Variants in DYNC1H1 observed in about 807,000 individuals in gnomAD.
DYNC1H1 encodes the protein cytoplasmic dynein 1 heavy chain 1.
In DYNC1H1, 51 loss-of-function variants were observed where a neutral mutation model predicts 527.1. The observed-to-expected ratio is 0.10, with a 90% CI of 0.08 to 0.12. DYNC1H1 has a LOEUF of 0.12. DYNC1H1 is among the 10% of genes least tolerant of loss of function. The pLI, the probability that DYNC1H1 is intolerant of heterozygous loss-of-function variation, is 1.00. For missense variants in DYNC1H1, 2,771 were observed against 5,971.8 expected (o/e 0.46, Z 17.66); for synonymous variants, 2,189 against 2,278.8 (o/e 0.96, Z 1.12).
Position 102,017,376 on chromosome 14 carries a change from C to T in DYNC1H1, c.8056-7C>T. On this transcript the variant is annotated splice_polypyrimidine_tract_variant and splice_region_variant and intron_variant, in intron 39 of 77. Transcript: ENST00000360184. This position sits in a 1 kb window ranked among gnomAD's most constrained non-coding sequence, Gnocchi z 4.6. ...GCTCTTAATGTGGTACCTGTCCCTT[C>T]CTTCAGATGGTGGAGCACGGAGGCT... 1.9e-6 allele frequency: 3 copies of T among 1,614,210 alleles called. No homozygotes were observed. The highest frequency in any genetic ancestry group is 1.1e-5 in the South Asian group (1 of 91,090).
chr14:102,040,175 A>T, intron 62 of DYNC1H1, 61 bp from the exon 63 acceptor site: 2 of 1,601,816 alleles, frequency 1.2e-6, no homozygotes, highest in Non-Finnish European at 1.7e-6. Flanking sequence ...CACAGCTGTT[A>T]TCTTAGTGAC....
At chr14:102,032,913 G>A in intron 52 of DYNC1H1, 152 bp from the exon 53 acceptor site, 1 of 766,580 alleles carries the variant, frequency 1.3e-6, no homozygotes, top group Admixed American at 2.5e-5. Context: ...GCTTTCACCT[G>A]AGAACCAAGG....
chr14:102,042,572 G>T lies in DYNC1H1; in HGVS notation c.12400-63G>T, dbSNP rs536121411. On this transcript the variant is annotated intron_variant, in intron 68 of 77. Transcript: ENST00000360184. This position sits in a 1 kb window ranked among gnomAD's most constrained non-coding sequence, Gnocchi z 5.7. ...GGCACTGTGCTGTCGGCACGTGTGT[G>T]GTGGAATTGAACAGGCGCCCTCATC... 94 of 1,613,682 alleles carry T rather than the reference G, an allele frequency of 5.8e-5. No individual in the cohort carries two copies. The highest frequency in any genetic ancestry group is 7.6e-5 in the Non-Finnish European group (90 of 1,179,844).
chr14:102,026,773 G>T, intron 44 of DYNC1H1, 66 bp downstream of exon 44: 1 of 1,584,806 alleles, frequency 6.3e-7, no homozygotes, highest in African/African-American at 1.3e-5. Flanking sequence ...TGTGTGTGCC[G>T]GGTCACACCA....
At chr14:101,982,446 G>A (rs1164666579) in intron 5 of DYNC1H1, among the ~76,000 whole-genome samples, 3 of 152,002 alleles carry the variant, frequency 2.0e-5, no homozygotes, top group African/African-American at 7.3e-5. Context: ...CAAAAAATTA[G>A]CCGGGCGTGG....
rs17512586 is a variant in DYNC1H1, at chr14:102,025,764, G to A, written c.8638-810G>A. On this transcript the variant is annotated intron_variant, in intron 43 of 77. Transcript: ENST00000360184. Reference sequence around the variant, plus strand: ...AGTTTCCCTGTGTGCATAGGTATCCGTTAGTTGTTCTCTGTGCTAAAACCA... The same window carrying A: ...AGTTTCCCTGTGTGCATAGGTATCCATTAGTTGTTCTCTGTGCTAAAACCA... 1.4e-3 allele frequency among the ~76,000 whole-genome samples: 207 copies of A among 152,202 alleles called. 1 individual carries two copies. Among genetic ancestry groups the A allele is most frequent in the African/African-American group, 4.8e-3 (198 of 41,500 alleles).
chr14:102,027,978 TG>T lies in DYNC1H1; in HGVS notation c.9306del (p.Tyr3103IlefsTer42). On this transcript the variant is annotated frameshift_variant, in exon 48 of 78. Transcript: ENST00000360184. LOFTEE classifies it high-confidence loss of function. This position sits in a 1 kb window ranked among gnomAD's most constrained non-coding sequence, Gnocchi z 7.7. ...NWFGDWSTEA[L>X]YQVGKEFTSK... ...TTTGGAGACTGGTCCACCGAAGCAC[TG>T]TATCAGGTTGGCAAAGAATTCACAA... The T allele has an allele frequency of 6.2e-7, 1 of 1,614,192 alleles. No individual in the cohort carries two copies. The highest frequency in any genetic ancestry group is 2.2e-5 in the East Asian group (1 of 44,882).
intron 51 of DYNC1H1, among the ~76,000 whole-genome samples, chr14:102,031,693 G>T (rs1172724689): frequency 6.6e-6 from 1 of 151,988 alleles, no homozygotes; most frequent in African/African-American, 2.4e-5. Context: ...AGTGGCTCAC[G>T]CCTGTAATCC....
chr14:102,019,660 G>A (rs1372382898), intron 41 of DYNC1H1, among the ~76,000 whole-genome samples: 1 of 152,172 alleles, frequency 6.6e-6, no homozygotes, highest in African/African-American at 2.4e-5. Flanking sequence ...GGAATGCAGT[G>A]GCGCAGTCTC....
chr14:101,981,929 C>T (rs995865475), intron 5 of DYNC1H1, among the ~76,000 whole-genome samples: 2 of 152,158 alleles, frequency 1.3e-5, no homozygotes, highest in African/African-American at 4.8e-5. Flanking sequence ...TTTAGTTCTT[C>T]TAAACTTAAT....
At chr14:101,989,835 AAATGACATTTC>A (rs2047976741) in intron 10 of DYNC1H1, among the ~76,000 whole-genome samples, 1 of 152,254 alleles carries the variant, frequency 6.6e-6, no homozygotes. Flanking sequence ...ATGCACTGCA[AAATGACATTTC>A]AGTCAACGAC....
chr14:102,016,141 T>G lies in DYNC1H1; in HGVS notation c.7473+55T>G. 1 of 1,551,788 alleles carries G rather than the reference T, an allele frequency of 6.4e-7. No homozygotes were observed. Among genetic ancestry groups the G allele is most frequent in the East Asian group, 2.4e-5 (1 of 41,326 alleles). On this transcript the variant is annotated intron_variant, in intron 36 of 77. Transcript: ENST00000360184. The surrounding 1 kb of genome is among the most constrained non-coding windows in gnomAD (Gnocchi z 7.3). ...TCACCACTGCGCCAGACCACAGGTCTGAGGACCTCTGAAATGCTGCACCTG... is the reference window on the plus strand; with the variant it reads ...TCACCACTGCGCCAGACCACAGGTCGGAGGACCTCTGAAATGCTGCACCTG...
rs749014392 is a variant in DYNC1H1, at chr14:102,016,181, C to G, written c.7473+95C>G. Reference sequence around the variant, plus strand: ...TGCTGCACCTGTGGGGATGTGCGCTCTCTCCTAGGCGAGGCAGAGCCTTCG... The same window carrying G: ...TGCTGCACCTGTGGGGATGTGCGCTGTCTCCTAGGCGAGGCAGAGCCTTCG... On this transcript the variant is annotated intron_variant, in intron 36 of 77. Coordinates refer to ENST00000360184, the MANE Select transcript of DYNC1H1 (RefSeq NM_001376.5). The surrounding 1 kb of genome is among the most constrained non-coding windows in gnomAD (Gnocchi z 7.3). The G allele has an allele frequency of 2.0e-5, 30 of 1,517,024 alleles. No homozygotes were observed. The highest frequency in any genetic ancestry group is 1.1e-4 in the South Asian group (9 of 83,416). 94.0% of individuals were successfully genotyped at this position (1,517,024 alleles called of 1,614,324 possible).
Position 101,986,773 on chromosome 14 carries a change from C to T in DYNC1H1, c.2538+10C>T, listed in dbSNP as rs201216234. 20 of 1,613,974 alleles carry T rather than the reference C, an allele frequency of 1.2e-5. No individual in the cohort carries two copies. In the African/African-American group the frequency reaches 1.9e-4, roughly 15 times the overall value. On this transcript the variant is annotated intron_variant, in intron 8 of 77. Coordinates refer to ENST00000360184, the MANE Select transcript of DYNC1H1 (RefSeq NM_001376.5). This position sits in a 1 kb window ranked among gnomAD's most constrained non-coding sequence, Gnocchi z 8.7. ...CAACTTCCAAGAAAAGGTATGCTCT[C>T]ATGTAATCCTCAGGTGTCCTGGTAA...
chr14:102,030,059 T>A (rs80027535), intron 50 of DYNC1H1, 103 bp from the exon 51 acceptor site: 449 of 382,932 alleles, frequency 1.2e-3, no homozygotes, highest in East Asian at 5.4e-3. Context: ...GGAGAGAGAG[T>A]GTGTGTGTGT....
rs940089035 is a variant in DYNC1H1, at chr14:102,002,154, A to G, written c.4543-383A>G. ...GAGATGGAGTCTCGCTCTGTCACCC[A>G]GGCTGGAGTGCAATGGCACGATCTC... On this transcript the variant is annotated intron_variant, in intron 21 of 77. Coordinates refer to ENST00000360184, the MANE Select transcript of DYNC1H1 (RefSeq NM_001376.5). This position sits in a 1 kb window ranked among gnomAD's most constrained non-coding sequence, Gnocchi z 4.4. 6.7e-6 allele frequency among the ~76,000 whole-genome samples: 1 copy of G among 149,354 alleles called. No individual in the cohort carries two copies.
At chr14:102,004,260 A>G (rs2048170660) in intron 23 of DYNC1H1, among the ~76,000 whole-genome samples, 1 of 152,154 alleles carries the variant, frequency 6.6e-6, no homozygotes, top group African/African-American at 2.4e-5. Context: ...AAATAAATAA[A>G]TAAATAAATA....
At chr14:101,982,965 A>G (rs1009354120) in intron 5 of DYNC1H1, 54 bp from the exon 6 acceptor site, 4 of 1,597,948 alleles carry the variant, frequency 2.5e-6, no homozygotes, top group African/African-American at 1.3e-5. Context: ...ATTTTAGTTT[A>G]CTTAGTTTTG....
In DYNC1H1 at chr14:101,979,892, A is replaced by G; in HGVS notation, c.692A>G (p.Asp231Gly). 6.2e-7 allele frequency: 1 copy of G among 1,614,226 alleles called. No homozygotes were observed. Among genetic ancestry groups the G allele is most frequent in the Non-Finnish European group, 8.5e-7 (1 of 1,180,044 alleles). ...CGTGGAGAAAAGCCAAAAGTTACAG[A>G]CTTTGGTGATAAGGTTGAAGACCCA... ...YERGEKPKVT[D>G]FGDKVEDPTF... Residue 231 changes from aspartate (D) to glycine (G), a missense_variant, in exon 4 of 78, where the codon GAC becomes GGC. Physicochemically the swap from Asp to Gly is moderately conservative, Grantham distance 94. This residue lies in a region of DYNC1H1 where 146 missense variants were observed against 288.1 expected (regional missense o/e 0.51). Transcript: ENST00000360184. This position sits in a 1 kb window ranked among gnomAD's most constrained non-coding sequence, Gnocchi z 4.6.
Sources: gnomAD v4.1 joint callset for allele counts (sites outside exome capture counted in the v4.1 genomes callset) on GRCh38, gnomAD v4.1.1 for gene constraint, gnomAD v4.1.1 regional missense constraint, Gnocchi (gnomAD v3.1) non-coding constraint, MANE v1.5 for transcripts, NCBI Gene and HGNC (gene_info 2026-07-23, HGNC 2026-07-21) for gene names.